Variants in CYP3A43 observed in about 807,000 individuals in gnomAD.
CYP3A43 encodes the protein cytochrome P450 3A43.
A neutral mutation model predicts 58.0 loss-of-function variants in CYP3A43; 45 were observed. That is an observed-to-expected ratio of 0.78 (90% CI 0.61 to 0.99). The LOEUF is 0.99. CYP3A43 is among the 50% of genes least tolerant of loss of function. The pLI is 0.00. For synonymous variants in CYP3A43, 191 were observed against 201.4 expected, an observed-to-expected ratio of 0.95 and a Z score of 0.44; for missense variants, 593 against 591.9, an observed-to-expected ratio of 1.00 and a Z score of -0.02.
At chr7:99,839,467 C>T (rs768562004) in intron 3 of CYP3A43, 1 of 590,464 alleles carries the variant, frequency 1.7e-6, no homozygotes. Context: ...TAAGTCATAC[C>T]TTACTGCCTT....
chr7:99,859,981 A>G lies in CYP3A43; in HGVS notation c.1017A>G (p.Leu339=), dbSNP rs374350879. 1 of 1,603,618 alleles carries G rather than the reference A, an allele frequency of 6.2e-7. No homozygotes were observed. The highest frequency in any genetic ancestry group is 8.5e-7 in the Non-Finnish European group (1 of 1,175,048). The change falls in exon 10 of 13, where the codon TTA becomes TTG. Residue 339 remains leucine (L), a synonymous_variant. Coordinates refer to ENST00000354829, the MANE Select transcript of CYP3A43 (RefSeq NM_057095.3). ...TGCAGGAGGAGATTGACGCAGTTTTACCCAATAAGGTAAGGGGATGATCCC... is the reference window on the plus strand; with the variant it reads ...TGCAGGAGGAGATTGACGCAGTTTTGCCCAATAAGGTAAGGGGATGATCCC... The part of the protein sequence containing the change: ...QKLQEEIDAV[L]PNKAPVTYDA...
rs765590792 is a variant in CYP3A43, at chr7:99,844,200, A to T, written c.276A>T (p.Thr92=). 7.4e-6 allele frequency: 12 copies of T among 1,613,990 alleles called. No homozygotes were observed. In the Admixed American group the frequency reaches 1.3e-4, roughly 18 times the overall value. ...LVIMDPDMIK[T]VLVKECYSVF... is the part of the protein sequence containing the mutation. The stretch of plus-strand genomic sequence containing the variant: ...TCATGGATCCCGACATGATCAAAAC[A>T]GTGTTAGTGAAAGAATGTTACTCTG... Residue 92 remains threonine, a synonymous_variant, in exon 4 of 13, where the codon ACA becomes ACT. Coordinates refer to ENST00000354829, the MANE Select transcript of CYP3A43 (RefSeq NM_057095.3).
At chr7:99,832,482 T>C (rs1816884567) in intron 1 of CYP3A43, among the ~76,000 whole-genome samples, 1 of 134,338 alleles carries the variant, frequency 7.4e-6, no homozygotes, top group African/African-American at 2.9e-5. Flanking sequence ...TAGGTGGGAA[T>C]TGAACAATGA....
At chr7:99,863,494 T>C in intron 11 of CYP3A43, 43 bp from the exon 12 acceptor site, 1 of 1,522,476 alleles carries the variant, frequency 6.6e-7, no homozygotes, top group Non-Finnish European at 8.9e-7. Flanking sequence ...TTAATAGTTT[T>C]TATGTTTCAT....
At chr7:99,830,776 C>G (rs1249072865) in intron 1 of CYP3A43, among the ~76,000 whole-genome samples, 2 of 152,148 alleles carry the variant, frequency 1.3e-5, no homozygotes, top group Non-Finnish European at 2.9e-5. Flanking sequence ...TTTCAAGGCT[C>G]CCATGCATAT....
intron 7 of CYP3A43, 197 bp downstream of exon 7, chr7:99,849,891 C>A (rs1817684398): frequency 1.6e-6 from 1 of 633,674 alleles, no homozygotes; most frequent in Non-Finnish European, 2.7e-6. Context: ...AACTTCTGAA[C>A]ATTTTTTGTA....
At chr7:99,861,900 T>C in intron 11 of CYP3A43, 61 bp downstream of exon 11, 1 of 1,423,552 alleles carries the variant, frequency 7.0e-7, no homozygotes, top group Non-Finnish European at 9.7e-7. Context: ...ATATTCTGCC[T>C]CTCTCGATGC....
At chr7:99,842,369 C>T (rs910973110) in intron 3 of CYP3A43, among the ~76,000 whole-genome samples, 2 of 152,152 alleles carry the variant, frequency 1.3e-5, no homozygotes, top group Non-Finnish European at 2.9e-5. Flanking sequence ...TTGTCAATTA[C>T]TCATTCATAT....
At chr7:99,834,792 T>C (rs902463719) in intron 1 of CYP3A43, among the ~76,000 whole-genome samples, 1 of 152,180 alleles carries the variant, frequency 6.6e-6, no homozygotes, top group African/African-American at 2.4e-5. Flanking sequence ...ACTTTCCAAT[T>C]ATGGAGGTTT....
At chr7:99,852,637 G>A (rs1360947477) in intron 7 of CYP3A43, among the ~76,000 whole-genome samples, 1 of 151,910 alleles carries the variant, frequency 6.6e-6, no homozygotes, top group Non-Finnish European at 1.5e-5. Flanking sequence ...TCTGTATATT[G>A]ACCTTCTATC....
intron 7 of CYP3A43, 186 bp from the exon 8 acceptor site, chr7:99,855,401 GCTCT>G: frequency 4.9e-6 from 3 of 607,652 alleles, no homozygotes; most frequent in Admixed American, 3.4e-5. Context: ...GTGTGGATCT[GCTCT>G]TGCTCAGCCA....
In CYP3A43 at chr7:99,861,595, C is replaced by A. The variant is rs746247440; in HGVS notation, c.1027-18C>A. Reference sequence around the variant, plus strand: ...ATTCCCAATCTCAATTTATCCAAATCTGTTTCTTTCTTCCCAGGCACCTGT... The same window carrying A: ...ATTCCCAATCTCAATTTATCCAAATATGTTTCTTTCTTCCCAGGCACCTGT... On this transcript the variant is annotated intron_variant, in intron 10 of 12. Transcript: ENST00000354829. The A allele has an allele frequency of 1.9e-6, 3 of 1,607,932 alleles. No homozygotes were observed. Among genetic ancestry groups the A allele is most frequent in the African/African-American group, 2.7e-5 (2 of 74,872 alleles).
At chr7:99,834,429 T>C (rs1816981303) in intron 1 of CYP3A43, among the ~76,000 whole-genome samples, 1 of 152,216 alleles carries the variant, frequency 6.6e-6, no homozygotes, top group Admixed American at 6.5e-5. Context: ...ATTTTCATCA[T>C]AAACTGGATA....
intron 3 of CYP3A43, among the ~76,000 whole-genome samples, chr7:99,843,694 G>T (rs1817430425): frequency 6.6e-6 from 1 of 152,030 alleles, no homozygotes; most frequent in African/African-American, 2.4e-5. Flanking sequence ...TCGAACTCCT[G>T]ACCTCAAGTG....
intron 1 of CYP3A43, among the ~76,000 whole-genome samples, chr7:99,835,293 T>C (rs1035022075): frequency 2.0e-5 from 3 of 152,228 alleles, no homozygotes; most frequent in Non-Finnish European, 4.4e-5. Context: ...GGTGTTGGTG[T>C]TGTGTCAGTG....
intron 7 of CYP3A43, among the ~76,000 whole-genome samples, chr7:99,852,036 T>G (rs599151): frequency 6.6e-6 from 1 of 152,090 alleles, no homozygotes; most frequent in Non-Finnish European, 1.5e-5. Context: ...CCAGTTGTCC[T>G]AGGACCATTT....
chr7:99,858,704 A>C (rs1006254217), intron 9 of CYP3A43, among the ~76,000 whole-genome samples: 22 of 91,552 alleles, frequency 2.4e-4, no homozygotes, highest in Non-Finnish European at 6.9e-5. Flanking sequence ...TATTATTATT[A>C]TTATTTGAGA....
intron 2 of CYP3A43, 177 bp from the exon 3 acceptor site, chr7:99,838,943 G>T (rs1817208397): frequency 1.4e-6 from 1 of 715,416 alleles, no homozygotes; most frequent in East Asian, 2.8e-5. Flanking sequence ...TCGCACCATT[G>T]CACTCCAGCC....
At chr7:99,835,936 G>T (rs954990018) in intron 1 of CYP3A43, among the ~76,000 whole-genome samples, 1 of 152,218 alleles carries the variant, frequency 6.6e-6, no homozygotes, top group Non-Finnish European at 1.5e-5. Context: ...AACTAGGCTT[G>T]TAAATTGTAT....
Sources: allele counts gnomAD v4.1 joint callset (sites outside exome capture counted in the v4.1 genomes callset), GRCh38; gene constraint gnomAD v4.1.1; transcripts MANE v1.5; gene names NCBI Gene and HGNC (gene_info 2026-07-23, HGNC 2026-07-21).